Variants in TMEM245 observed in about 807,000 individuals in gnomAD.
The protein encoded by TMEM245 is transmembrane protein 245.
Under a neutral mutation model 101.2 loss-of-function variants are expected in TMEM245, and 69 were observed. The ratio of observed to expected loss-of-function variants is 0.68; its 90% CI spans 0.56 to 0.83. The LOEUF (loss-of-function observed/expected upper bound fraction) is 0.83. Among genes scored for constraint, TMEM245 ranks in the 40% least tolerant of loss-of-function variants. TMEM245 has a pLI of 0.00. For missense variants in TMEM245, 1,075 were observed against 1,092.8 expected (o/e 0.98, Z 0.23); for synonymous variants, 537 against 449.8 (o/e 1.19, Z -2.45).
chr9:109,060,595 C>A, intron 10 of TMEM245, 143 bp from the exon 11 acceptor site: 1 of 570,536 alleles, frequency 1.8e-6, no homozygotes, highest in Non-Finnish European at 3.1e-6. Context: ...ACGTTCTTTC[C>A]TTAAATCTAC....
chr9:109,116,490 G>A (rs1260714345), intron 1 of TMEM245, among the ~76,000 whole-genome samples: 1 of 151,976 alleles, frequency 6.6e-6, no homozygotes, highest in Non-Finnish European at 1.5e-5. Flanking sequence ...CAAAGTGCTG[G>A]GGTTACATTA....
chr9:109,054,850 T>C (rs896012950), intron 12 of TMEM245, among the ~76,000 whole-genome samples: 7 of 152,226 alleles, frequency 4.6e-5, no homozygotes, highest in African/African-American at 1.2e-4. Context: ...AAGGCAACTA[T>C]ACTACTTTTG....
chr9:109,078,511 A>T (rs1001252456), intron 8 of TMEM245, among the ~76,000 whole-genome samples: 6 of 152,216 alleles, frequency 3.9e-5, no homozygotes, highest in African/African-American at 1.4e-4. Context: ...GAACAGTTTC[A>T]CTGACTATAA....
At chr9:109,107,003 C>T (rs1042980373) in intron 2 of TMEM245, among the ~76,000 whole-genome samples, 3 of 151,240 alleles carry the variant, frequency 2.0e-5, no homozygotes, top group Non-Finnish European at 3.0e-5. Flanking sequence ...AAAATACCAC[C>T]GGGCGTGAAC....
chr9:109,050,904 A>G (rs1828658793), intron 12 of TMEM245, among the ~76,000 whole-genome samples: 1 of 152,036 alleles, frequency 6.6e-6, no homozygotes, highest in Admixed American at 6.6e-5. Flanking sequence ...TCCACACCAA[A>G]TAATATAGAC....
chr9:109,058,192 G>A (rs1216789294), intron 11 of TMEM245, among the ~76,000 whole-genome samples: 2 of 151,350 alleles, frequency 1.3e-5, no homozygotes, highest in Non-Finnish European at 2.9e-5. Context: ...TTTTAGTAGA[G>A]ACGGGGTTTC....
chr9:109,040,016 G>A (rs1326267608), intron 14 of TMEM245, among the ~76,000 whole-genome samples: 1 of 152,148 alleles, frequency 6.6e-6, no homozygotes, highest in Admixed American at 6.5e-5. Flanking sequence ...CCTCTGGGTG[G>A]CAAGTAACCA....
intron 7 of TMEM245, among the ~76,000 whole-genome samples, chr9:109,082,726 T>C (rs1015868451): frequency 6.6e-6 from 1 of 152,256 alleles, no homozygotes; most frequent in African/African-American, 2.4e-5. Context: ...GAAACATGTT[T>C]GAGTATTTTT....
rs1046874908 is a variant in TMEM245, at chr9:109,119,379, C to T, written c.535G>A (p.Ala179Thr). The part of the protein sequence containing the change: ...LGVQVLLVHA[A>T]TLICRGLDYF... ...TCCAGCCCGCGGCAGATGAGCGTGG[C>T]AGCGTGCACCAGCAGCACCTGCACG... The change falls in exon 1 of 18, where the codon GCC (alanine) becomes ACC (threonine). Residue 179 changes from alanine to threonine, a missense_variant. Physicochemically the swap from Ala to Thr is moderately conservative, Grantham distance 58 (BLOSUM62 0). Coordinates refer to ENST00000374586, the MANE Select transcript of TMEM245 (RefSeq NM_032012.4). 5.9e-6 allele frequency: 9 copies of T among 1,529,336 alleles called. No homozygotes were observed. The highest frequency in any genetic ancestry group is 7.9e-6 in the Non-Finnish European group (9 of 1,142,308). The allele number at this position is 1,529,336 out of a possible 1,614,324, so 94.7% of individuals were successfully genotyped here.
At chr9:109,033,705 T>C (rs912407630) in intron 16 of TMEM245, among the ~76,000 whole-genome samples, 2 of 152,208 alleles carry the variant, frequency 1.3e-5, no homozygotes, top group Non-Finnish European at 2.9e-5. Flanking sequence ...GTTTTTCCTA[T>C]GGATGACATC....
chr9:109,102,819 T>C (rs1002425014), intron 3 of TMEM245, among the ~76,000 whole-genome samples: 1 of 152,262 alleles, frequency 6.6e-6, no homozygotes. Context: ...TGGAGTTTAT[T>C]ATCGCCATCA....
rs1827419710 is a variant in TMEM245, at chr9:109,015,670, G to C, written c.*4790C>G. On this transcript the variant is annotated 3_prime_UTR_variant, in exon 18 of 18. Transcript: ENST00000374586. The stretch of plus-strand genomic sequence containing the variant: ...TCAGAAGTTCTGCAACTAAATTCTG[G>C]CTCCATCATTTTGTGGTATAAACTT... 1 of 152,510 alleles carries C rather than the reference G, an allele frequency of 6.6e-6. No individual in the cohort carries two copies. The highest frequency in any genetic ancestry group is 1.5e-5 in the Non-Finnish European group (1 of 68,016). The allele number at this position is 152,510 out of a possible 1,614,324, so 9.4% of individuals were successfully genotyped here.
chr9:109,026,856 G>C (rs1827806162), intron 17 of TMEM245, among the ~76,000 whole-genome samples: 2 of 151,904 alleles, frequency 1.3e-5, no homozygotes, highest in Admixed American at 6.6e-5. Context: ...AGAAGAGCCT[G>C]TCATCTCTTG....
At chr9:109,093,020 A>T (rs1830049388) in intron 4 of TMEM245, among the ~76,000 whole-genome samples, 1 of 152,226 alleles carries the variant, frequency 6.6e-6, no homozygotes, top group Admixed American at 6.5e-5. Context: ...AAGGGAACAA[A>T]AGAAAGAAAA....
intron 14 of TMEM245, among the ~76,000 whole-genome samples, chr9:109,043,222 T>C (rs1828371494): frequency 6.6e-6 from 1 of 152,228 alleles, no homozygotes; most frequent in Non-Finnish European, 1.5e-5. Context: ...TTCCCTGTCT[T>C]ACTATCTATG....
chr9:109,073,142 AT>A (rs1564191910), intron 9 of TMEM245: 1 of 537,578 alleles, frequency 1.9e-6, no homozygotes, highest in African/African-American at 1.9e-5. Context: ...ACAAAGTATC[AT>A]TTACCATGAA....
chr9:109,032,403 A>T (rs1167619262), intron 17 of TMEM245, among the ~76,000 whole-genome samples: 5 of 21,088 alleles, frequency 2.4e-4, no homozygotes, highest in East Asian at 1.4e-3. Flanking sequence ...TTTTTTTTTG[A>T]GACAAGAGTC....
chr9:109,052,823 A>T (rs1047208388), intron 12 of TMEM245, among the ~76,000 whole-genome samples: 11 of 152,328 alleles, frequency 7.2e-5, no homozygotes, highest in African/African-American at 2.2e-4. Flanking sequence ...AAAAAAATTT[A>T]AATAGTTTCT....
Position 109,087,224 on chromosome 9 carries a change from C to G in TMEM245, c.1269G>C (p.Ala423=), listed in dbSNP as rs759199569. Residue 423 remains alanine (A), a synonymous_variant, in exon 6 of 18, where the codon GCG becomes GCC. Coordinates refer to ENST00000374586, the MANE Select transcript of TMEM245 (RefSeq NM_032012.4). Reference sequence around the variant, plus strand: ...TTCCAAGCCCGACAATGGGCCAAGGCGCGAGAGCTCCCTGCCGCTCCTTCA... The same window carrying G: ...TTCCAAGCCCGACAATGGGCCAAGGGGCGAGAGCTCCCTGCCGCTCCTTCA... ...SFLKERQGAL[A]PWPIVGLGKF... is the part of the protein sequence containing the mutation. 1 of 1,613,538 alleles carries G rather than the reference C, an allele frequency of 6.2e-7. No homozygotes were observed. Among genetic ancestry groups the G allele is most frequent in the Admixed American group, 1.7e-5 (1 of 59,880 alleles).
Sources: allele counts gnomAD v4.1 joint callset (sites outside exome capture counted in the v4.1 genomes callset), GRCh38; gene constraint gnomAD v4.1.1; transcripts MANE v1.5; gene names NCBI Gene and HGNC (gene_info 2026-07-23, HGNC 2026-07-21).